The following ST6GALNAC2 variants were observed in gnomAD, a reference collection of about 807,000 sequenced individuals.
ST6GALNAC2 encodes the protein ST6 N-acetylgalactosaminide alpha-2,6-sialyltransferase 2, also known as alpha-N-acetylgalactosaminide alpha-2,6-sialyltransferase 2.
ST6GALNAC2 carries 42 observed loss-of-function variants against 38.7 expected under a neutral mutation model. The ratio of observed to expected loss-of-function variants is 1.09; its 90% CI spans 0.85 to 1.40. The LOEUF (loss-of-function observed/expected upper bound fraction) is 1.40, where lower values mean the gene tolerates loss of function less well. Ranked by LOEUF, ST6GALNAC2 falls within the 40% of genes most tolerant of loss-of-function variation. The pLI is 0.00. For synonymous variants in ST6GALNAC2, 233 were observed against 209.0 expected, an observed-to-expected ratio of 1.11 and a Z score of -0.99; for missense variants, 506 against 481.7, an observed-to-expected ratio of 1.05 and a Z score of -0.47.
rs553127262 is a variant in ST6GALNAC2, at chr17:76,565,562, C to A, written c.*542G>T. The stretch of plus-strand genomic sequence containing the variant: ...AAACAGCCTGCGTTTTATATGATTT[C>A]TCTACCCAGCCAAAAAAAAAAAAAT... On this transcript the variant is annotated 3_prime_UTR_variant, in exon 9 of 9. Coordinates refer to ENST00000225276, the MANE Select transcript of ST6GALNAC2 (RefSeq NM_006456.3). 1 of 135,180 alleles carries A rather than the reference C, an allele frequency of 7.4e-6. No homozygotes were observed. The highest frequency in any genetic ancestry group is 2.0e-4 in the East Asian group (1 of 4,922). The allele number at this position is 135,180 out of a possible 1,614,324, so 8.4% of individuals were successfully genotyped here.
At chr17:76,579,180 A>G (rs535342280) in intron 1 of ST6GALNAC2, among the ~76,000 whole-genome samples, 1 of 152,324 alleles carries the variant, frequency 6.6e-6, no homozygotes, top group Non-Finnish European at 1.5e-5. Flanking sequence ...TGGCCTTCCA[A>G]AGTGCTGGGA....
chr17:76,580,418 G>T (rs950513124), intron 1 of ST6GALNAC2, among the ~76,000 whole-genome samples: 1 of 142,734 alleles, frequency 7.0e-6, no homozygotes, highest in Non-Finnish European at 1.5e-5. Flanking sequence ...ACTCCTGGCC[G>T]GGTGCGGTGG....
At chr17:76,571,928 C>T (rs1197827381) in intron 5 of ST6GALNAC2, among the ~76,000 whole-genome samples, 2 of 152,178 alleles carry the variant, frequency 1.3e-5, no homozygotes, top group African/African-American at 2.4e-5. Context: ...GGACACGTCC[C>T]TCAGTGTCTC....
rs1230766795 is a variant in ST6GALNAC2 at position 76,573,550 on chromosome 17, G to C, written c.362-187C>G. On this transcript the variant is annotated intron_variant, in intron 3 of 8. Transcript: ENST00000225276. The surrounding 1 kb of genome is among the most constrained non-coding windows in gnomAD (Gnocchi z 5.1). Reference sequence around the variant, plus strand: ...GAATTGAAAAGCTGACAGTGGAAGAGGGGGCTTGGCGGCCTTCACTTGTCT... The same window carrying C: ...GAATTGAAAAGCTGACAGTGGAAGACGGGGCTTGGCGGCCTTCACTTGTCT... 1.3e-5 allele frequency among the ~76,000 whole-genome samples: 2 copies of C among 152,208 alleles called. No individual in the cohort carries two copies. The highest frequency in any genetic ancestry group is 2.9e-5 in the Non-Finnish European group (2 of 68,044).
chr17:76,568,874 C>T (rs764650902), intron 6 of ST6GALNAC2, 78 bp from the exon 7 acceptor site: 12 of 1,434,382 alleles, frequency 8.4e-6, no homozygotes, highest in Middle Eastern at 2.1e-4. Context: ...AGGGTCAGGG[C>T]GCCGGAGTAG....
intron 2 of ST6GALNAC2, among the ~76,000 whole-genome samples, chr17:76,577,098 C>T (rs2075426950): frequency 1.6e-5 from 2 of 125,692 alleles, no homozygotes; most frequent in Admixed American, 8.6e-5. Context: ...CGGAGTTTCG[C>T]TCTTGTTGCC....
At chr17:76,585,167 G>A (rs2075530077) in intron 1 of ST6GALNAC2, among the ~76,000 whole-genome samples, 2 of 152,258 alleles carry the variant, frequency 1.3e-5, no homozygotes, top group African/African-American at 4.8e-5. Flanking sequence ...CGGAAGCCGG[G>A]GAGAAGGGAG....
chr17:76,566,815 C>T (rs192885254), intron 8 of ST6GALNAC2, among the ~76,000 whole-genome samples: 2 of 152,012 alleles, frequency 1.3e-5, no homozygotes, highest in South Asian at 2.1e-4. Flanking sequence ...GCCTGGGTGA[C>T]AGAGTTGAGA....
In ST6GALNAC2 at chr17:76,579,015, G is replaced by A. The variant is rs12450319; in HGVS notation, c.126-199C>T. On this transcript the variant is annotated intron_variant, in intron 1 of 8. Transcript: ENST00000225276. ...GCTCACTGCAACCTCTGCCTCCTGG[G>A]TTCAAGTGATTCTCCTGCCTCAGCC... The A allele has an allele frequency of 3.9e-3, 1,450 of 372,160 alleles. 6 individuals are homozygous for A. Among genetic ancestry groups the A allele is most frequent in the Non-Finnish European group, 3.7e-3 (746 of 202,970 alleles). 23.1% of individuals were successfully genotyped at this position (372,160 alleles called of 1,614,324 possible).
chr17:76,568,844 G>C (rs1255187638), intron 6 of ST6GALNAC2, 48 bp from the exon 7 acceptor site: 1 of 1,591,284 alleles, frequency 6.3e-7, no homozygotes, highest in Admixed American at 1.7e-5. Context: ...CCGTCGTATT[G>C]CAAGGGGGAG....
chr17:76,582,338 A>ATTTTATTT (rs1555629974), intron 1 of ST6GALNAC2, among the ~76,000 whole-genome samples: 1 of 115,370 alleles, frequency 8.7e-6, no homozygotes, highest in Non-Finnish European at 1.7e-5. Flanking sequence ...ATGCCTGGCT[A>ATTTTATTT]TTTTTTTTTT....
chr17:76,568,578 C>A, intron 7 of ST6GALNAC2, 135 bp downstream of exon 7: 3 of 798,136 alleles, frequency 3.8e-6, no homozygotes, highest in Admixed American at 2.1e-5. Context: ...GTGCTTTGCA[C>A]ACAGCACTCG....
Position 76,585,669 on chromosome 17 carries a change from C to G in ST6GALNAC2, c.125+15G>C. 6.6e-7 allele frequency: 1 copy of G among 1,517,860 alleles called. No individual in the cohort carries two copies. Among genetic ancestry groups the G allele is most frequent in the Non-Finnish European group, 8.8e-7 (1 of 1,138,630 alleles). 94.0% of individuals were successfully genotyped at this position (1,517,860 alleles called of 1,614,324 possible). On this transcript the variant is annotated intron_variant, in intron 1 of 8. Coordinates refer to ENST00000225276, the MANE Select transcript of ST6GALNAC2 (RefSeq NM_006456.3). ...CGCCCCTGCGCCCTCCCGCTCTGCGCTCGGCAGCCCCTACCTGGCTCCGGC... is the reference window on the plus strand; with the variant it reads ...CGCCCCTGCGCCCTCCCGCTCTGCGGTCGGCAGCCCCTACCTGGCTCCGGC...
intron 1 of ST6GALNAC2, among the ~76,000 whole-genome samples, chr17:76,579,146 C>A (rs559134879): frequency 6.6e-6 from 1 of 152,280 alleles, no homozygotes; most frequent in African/African-American, 2.4e-5. Context: ...CTCGAACTCC[C>A]GACTTCAGGT....
chr17:76,574,477 C>G lies in ST6GALNAC2; in HGVS notation c.249G>C (p.Leu83=), dbSNP rs17513606. ...AIQRHPHFRG[L]FNLSIPVLLW... Reference sequence around the variant, plus strand: ...GCAGCACTGGAATGGAGAGATTGAACAGGCCACGGAAGTGGGGGTGCCGCT... The same window carrying G: ...GCAGCACTGGAATGGAGAGATTGAAGAGGCCACGGAAGTGGGGGTGCCGCT... The change falls in exon 3 of 9, where the codon CTG becomes CTC. Residue 83 remains leucine, a synonymous_variant. Transcript: ENST00000225276. 6.2e-7 allele frequency: 1 copy of G among 1,613,574 alleles called. No homozygotes were observed. Among genetic ancestry groups the G allele is most frequent in the Non-Finnish European group, 8.5e-7 (1 of 1,179,886 alleles).
intron 1 of ST6GALNAC2, among the ~76,000 whole-genome samples, chr17:76,581,977 C>T (rs534049508): frequency 3.3e-5 from 5 of 152,044 alleles, no homozygotes; most frequent in Non-Finnish European, 7.4e-5. Flanking sequence ...AAGCGATTCT[C>T]CTGCCTCAGC....
intron 2 of ST6GALNAC2, among the ~76,000 whole-genome samples, chr17:76,575,645 C>T (rs1394273569): frequency 6.6e-6 from 1 of 152,062 alleles, no homozygotes; most frequent in Admixed American, 6.6e-5. Flanking sequence ...GATCGAAGCC[C>T]CCCAGGCTGT....
At chr17:76,580,304 G>C (rs971345154) in intron 1 of ST6GALNAC2, among the ~76,000 whole-genome samples, 1 of 152,032 alleles carries the variant, frequency 6.6e-6, no homozygotes, top group Non-Finnish European at 1.5e-5. Context: ...TGTAATCCCA[G>C]CTACTTGGGA....
At chr17:76,568,641 T>C (rs1341898081) in intron 7 of ST6GALNAC2, 72 bp downstream of exon 7, 4 of 1,487,942 alleles carry the variant, frequency 2.7e-6, no homozygotes, top group Non-Finnish European at 3.7e-6. Context: ...GCGAGGGCGC[T>C]GACTGGATGT....
Sources: gnomAD v4.1 joint callset for allele counts (sites outside exome capture counted in the v4.1 genomes callset) on GRCh38, gnomAD v4.1.1 for gene constraint, Gnocchi (gnomAD v3.1) non-coding constraint, MANE v1.5 for transcripts, NCBI Gene and HGNC (gene_info 2026-07-23, HGNC 2026-07-21) for gene names.